SLC35B2: variants seen among roughly 807,000 people sequenced by gnomAD.
SLC35B2 encodes solute carrier family 35 member B2.
SLC35B2 carries 19 observed loss-of-function variants against 37.9 expected under a neutral mutation model. The ratio of observed to expected loss-of-function variants is 0.50; its 90% CI spans 0.35 to 0.74. The LOEUF (loss-of-function observed/expected upper bound fraction) is 0.74, where lower values mean the gene tolerates loss of function less well. Ranked by LOEUF, SLC35B2 falls within the 30% of genes least tolerant of loss-of-function variation. The probability of loss-of-function intolerance (pLI) is 0.01; values close to 1 mark genes in which losing one functional copy is unlikely to be tolerated. For missense variants in SLC35B2, 633 were observed against 547.6 expected, an observed-to-expected ratio of 1.16 and a Z score of -1.56; for synonymous variants, 277 against 225.2, an observed-to-expected ratio of 1.23 and a Z score of -2.06.
Position 44,255,351 on chromosome 6 carries a change from AG to A in SLC35B2, c.653del (p.Ser218LeufsTer3). The part of the protein sequence containing the change: ...SFPTQVLAKA[S>X]KVIPVMLMGK... ...CCATCAGCATGACAGGGATCACCTT[AG>A]AGGCCTTGGCCAGCACCTGGGTGGG... On this transcript the variant is annotated frameshift_variant, in exon 4 of 4. Transcript: ENST00000393812. LOFTEE classifies it high-confidence loss of function. 1 of 1,614,264 alleles carries A rather than the reference AG, an allele frequency of 6.2e-7. No homozygotes were observed. Among genetic ancestry groups the A allele is most frequent in the Non-Finnish European group, 8.5e-7 (1 of 1,180,038 alleles).
In SLC35B2 at chr6:44,256,358, C is replaced by G; in HGVS notation, c.344G>C (p.Cys115Ser). 1 of 1,613,210 alleles carries G rather than the reference C, an allele frequency of 6.2e-7. No individual in the cohort carries two copies. The highest frequency in any genetic ancestry group is 8.5e-7 in the Non-Finnish European group (1 of 1,179,634). The change falls in exon 3 of 4, where the codon TGT becomes TCT. Residue 115 changes from cysteine to serine, a missense_variant. By Grantham distance (112) the Cys-to-Ser change is moderately radical. Transcript: ENST00000393812. ...CCTACCCACCTGGAGCCCTGTGGCA[C>G]AGAAGAGCAGCTTCAGGGCCTGCCA... The part of the protein sequence containing the change: ...PMWQALKLLF[C>S]ATGLQVSYLT...
upstream of SLC35B2, chr6:44,257,593 C>A: frequency 2.6e-6 from 1 of 387,474 alleles, no homozygotes; most frequent in Non-Finnish European, 3.8e-6. Context: ...CGCAGCGCCC[C>A]GGGCCGCCGC....
Position 44,254,529 on chromosome 6 carries a change from CTT to C in SLC35B2, c.*175_*176del. The C allele has an allele frequency of 1.4e-6, 1 of 698,254 alleles. No homozygotes were observed. Among genetic ancestry groups the C allele is most frequent in the African/African-American group, 1.8e-5 (1 of 55,886 alleles). 43.3% of individuals were successfully genotyped at this position (698,254 alleles called of 1,614,324 possible). A position where few individuals can be genotyped will look rare whatever the true frequency, so the allele number is the denominator to read the frequency against. ...AAACTGCTTACTGGAAGATGGGTGACTTAAGGCAAAAGGGAAGGCTGCCTCCT... is the reference window on the plus strand; with the variant it reads ...AAACTGCTTACTGGAAGATGGGTGACAAGGCAAAAGGGAAGGCTGCCTCCT... On this transcript the variant is annotated 3_prime_UTR_variant, in exon 4 of 4. Coordinates refer to ENST00000393812, the MANE Select transcript of SLC35B2 (RefSeq NM_178148.4).
rs140970584 is a variant in SLC35B2 at position 44,254,888 on chromosome 6, G to A, written c.1117C>T (p.Leu373Phe). The A allele has an allele frequency of 3.4e-5, 55 of 1,614,202 alleles. No homozygotes were observed. The highest frequency in any genetic ancestry group is 1.8e-4 in the Admixed American group (11 of 60,032). The change falls in exon 4 of 4, where the codon CTC becomes TTC. Residue 373 changes from leucine (L) to phenylalanine (F), a missense_variant. By Grantham distance (22) the Leu-to-Phe change is conservative. Transcript: ENST00000393812. ...GAAVFTIIMT[L>F]RQAFAILLSC... ...AGAAGGATGGCAAAGGCCTGGCGGA[G>A]GGTCATGATGATGGTGAAGACGGCA...
Position 44,256,506 on chromosome 6 carries a change from G to A in SLC35B2, c.206-10C>T. The A allele has an allele frequency of 6.2e-7, 1 of 1,614,110 alleles. No individual in the cohort carries two copies. The highest frequency in any genetic ancestry group is 8.5e-7 in the Non-Finnish European group (1 of 1,180,018). ...AAGCAGAGGCCCCTACCTGAAGAAA[G>A]CACACAAAGTCAAGCCCCAAATCTT... On this transcript the variant is annotated splice_polypyrimidine_tract_variant and intron_variant, in intron 2 of 3. Coordinates refer to ENST00000393812, the MANE Select transcript of SLC35B2 (RefSeq NM_178148.4).
In SLC35B2 at chr6:44,257,422, C is replaced by T. The variant is rs1781688372; in HGVS notation, c.-12G>A. 1 of 1,262,420 alleles carries T rather than the reference C, an allele frequency of 7.9e-7. No individual in the cohort carries two copies. The highest frequency in any genetic ancestry group is 1.0e-6 in the Non-Finnish European group (1 of 996,488). 78.2% of individuals were successfully genotyped at this position (1,262,420 alleles called of 1,614,324 possible). A position where few individuals can be genotyped will look rare whatever the true frequency, so the allele number is the denominator to read the frequency against. Reference sequence around the variant, plus strand: ...CACCTGGCGTCCATGGTCCAGGCCGCGTGGGGTGGAGGGGGAACCGGGGAA... The same window carrying T: ...CACCTGGCGTCCATGGTCCAGGCCGTGTGGGGTGGAGGGGGAACCGGGGAA... On this transcript the variant is annotated 5_prime_UTR_variant, in exon 1 of 4. Coordinates refer to ENST00000393812, the MANE Select transcript of SLC35B2 (RefSeq NM_178148.4).
intron 1 of SLC35B2, 99 bp from the exon 2 acceptor site, chr6:44,256,977 G>C (rs965394495): frequency 8.0e-7 from 1 of 1,249,910 alleles, no homozygotes. Context: ...TCTCCTCCCC[G>C]CCCCCTCCGC....
At chr6:44,257,316 C>G (rs1299021431) in intron 1 of SLC35B2, 84 bp downstream of exon 1, 4 of 1,295,508 alleles carry the variant, frequency 3.1e-6, no homozygotes, top group South Asian at 2.2e-5. Context: ...CAGCCGGGAC[C>G]CCACCCGGCC....
In SLC35B2 at chr6:44,256,706, G is replaced by T. The variant is rs369562637; in HGVS notation, c.184C>A (p.Arg62=). Residue 62 remains arginine, a synonymous_variant, in exon 2 of 4, where the codon CGG becomes AGG. Coordinates refer to ENST00000393812, the MANE Select transcript of SLC35B2 (RefSeq NM_178148.4). ...ACACCGGTCTCCAGGTAGTTCTTCCGCCTGAAGTACTGCACCAGGAGGTAG... is the reference window on the plus strand; with the variant it reads ...ACACCGGTCTCCAGGTAGTTCTTCCTCCTGAAGTACTGCACCAGGAGGTAG... ...PGYLLVQYFR[R]KNYLETGRGL... The T allele has an allele frequency of 1.9e-6, 3 of 1,613,960 alleles. No individual in the cohort carries two copies. The highest frequency in any genetic ancestry group is 3.3e-5 in the Admixed American group (2 of 59,984).
At position 44,254,482 on chromosome 6, in the gene SLC35B2, GTC is replaced by G; in HGVS notation, c.*222_*223del. ...TCCCCAAAACCCCTCACTGAGGACT[GTC>G]TACCCCCGGGGCTCAGAATAAACTG... On this transcript the variant is annotated 3_prime_UTR_variant, in exon 4 of 4. Transcript: ENST00000393812. The G allele has an allele frequency of 1.8e-6, 1 of 561,846 alleles. No individual in the cohort carries two copies. The highest frequency in any genetic ancestry group is 3.1e-6 in the Non-Finnish European group (1 of 319,254). 34.8% of individuals were successfully genotyped at this position (561,846 alleles called of 1,614,324 possible).
At position 44,254,235 on chromosome 6, in the gene SLC35B2, C is replaced by T; in HGVS notation, c.*471G>A. On this transcript the variant is annotated 3_prime_UTR_variant, in exon 4 of 4. Transcript: ENST00000393812. ...GAGCATAGGAGGTGGTGGTGCTGGG[C>T]AGGGCTCTGCATCCCCTTTCCTCAG... 1 of 202,424 alleles carries T rather than the reference C, an allele frequency of 4.9e-6. No individual in the cohort carries two copies. Among genetic ancestry groups the T allele is most frequent in the Non-Finnish European group, 1.0e-5 (1 of 97,398 alleles). 12.5% of individuals were successfully genotyped at this position (202,424 alleles called of 1,614,324 possible).
chr6:44,257,240 AC>A (rs1240805803), intron 1 of SLC35B2, 159 bp downstream of exon 1: 4 of 830,382 alleles, frequency 4.8e-6, no homozygotes, highest in African/African-American at 1.8e-5. Context: ...CCCAAGGAGC[AC>A]AAAACCAAGC....
In SLC35B2 at chr6:44,257,476, C is replaced by A. The variant is rs1260884347; in HGVS notation, c.-66G>T. ...GAGTCCCCGGGCCGCGCGCCCCCTG[C>A]GCTCCCGCCGCCGCCTCCAGGAGCG... On this transcript the variant is annotated 5_prime_UTR_variant, in exon 1 of 4. Coordinates refer to ENST00000393812, the MANE Select transcript of SLC35B2 (RefSeq NM_178148.4). 4.1e-6 allele frequency: 5 copies of A among 1,233,060 alleles called. No individual in the cohort carries two copies. The highest frequency in any genetic ancestry group is 5.1e-6 in the Non-Finnish European group (5 of 980,146). The allele number at this position is 1,233,060 out of a possible 1,614,324, so 76.4% of individuals were successfully genotyped here. A position where few individuals can be genotyped will look rare whatever the true frequency, so the allele number is the denominator to read the frequency against.
At position 44,255,003 on chromosome 6, in the gene SLC35B2, G is replaced by GT. The variant is rs745619435; in HGVS notation, c.1001dup (p.His334GlnfsTer3). 6.2e-7 allele frequency: 1 copy of GT among 1,614,202 alleles called. No individual in the cohort carries two copies. Reference sequence around the variant, plus strand: ...GCAGGGCATGGGCAGCAAACTCACTGTGTCGCCCCATGAAGCGGGTTCCCT... The same window carrying GT: ...GCAGGGCATGGGCAGCAAACTCACTGTTGTCGCCCCATGAAGCGGGTTCCCT... On this transcript the variant is annotated frameshift_variant, in exon 4 of 4. Transcript: ENST00000393812. LOFTEE classifies it high-confidence loss of function.
chr6:44,255,989 C>T (rs764037293), intron 3 of SLC35B2, among the ~76,000 whole-genome samples: 6 of 116,484 alleles, frequency 5.2e-5, no homozygotes, highest in Non-Finnish European at 5.8e-5. Context: ...GAATGGCTCC[C>T]CCACAATTTT....
rs1042314286 is a variant in SLC35B2 at position 44,256,820 on chromosome 6, G to A, written c.70C>T (p.Pro24Ser). 3.7e-6 allele frequency: 6 copies of A among 1,613,970 alleles called. No homozygotes were observed. The highest frequency in any genetic ancestry group is 2.2e-5 in the East Asian group (1 of 44,870). ...GTCCATGACTCCGGAGGGGCTTCGG[G>A]AGTCTCCCCACCTGCCCCTAGGGAG... ...FPSLGAGGET[P>S]EAPPESWTQL... The change falls in exon 2 of 4, where the codon CCC (proline) becomes TCC (serine). Residue 24 changes from proline to serine, a missense_variant. By Grantham distance (74) the Pro-to-Ser change is moderately conservative. Coordinates refer to ENST00000393812, the MANE Select transcript of SLC35B2 (RefSeq NM_178148.4).
In SLC35B2 at chr6:44,254,661, G is replaced by A. The variant is rs1781171420; in HGVS notation, c.*45C>T. 6.4e-7 allele frequency: 1 copy of A among 1,554,182 alleles called. No individual in the cohort carries two copies. Among genetic ancestry groups the A allele is most frequent in the African/African-American group, 1.4e-5 (1 of 73,368 alleles). ...TCAGAGGTTACAGCAGAAGGGGATGGTGGGAGGGTCCTATTTCACTTCACC... is the reference window on the plus strand; with the variant it reads ...TCAGAGGTTACAGCAGAAGGGGATGATGGGAGGGTCCTATTTCACTTCACC... On this transcript the variant is annotated 3_prime_UTR_variant, in exon 4 of 4. Coordinates refer to ENST00000393812, the MANE Select transcript of SLC35B2 (RefSeq NM_178148.4).
In SLC35B2 at chr6:44,256,414, G is replaced by A. The variant is rs1781508693; in HGVS notation, c.288C>T (p.Pro96=). The change falls in exon 3 of 4, where the codon CCC becomes CCT. Residue 96 remains proline (P), a synonymous_variant. Transcript: ENST00000393812. ...GGGTGGTCTCTGCCGCCTCTGTTCG[G>A]GGCGCCAGGGGAACCTCATCAGAGG... is the stretch of plus-strand genomic sequence containing the variant. ...PKASDEVPLA[P]RTEAAETTPM... is the part of the protein sequence containing the mutation. 10 of 1,614,132 alleles carry A rather than the reference G, an allele frequency of 6.2e-6. No homozygotes were observed. The highest frequency in any genetic ancestry group is 8.5e-6 in the Non-Finnish European group (10 of 1,180,008).
chr6:44,257,355 C>T, intron 1 of SLC35B2, 45 bp downstream of exon 1: 2 of 1,325,014 alleles, frequency 1.5e-6, no homozygotes, highest in Non-Finnish European at 1.9e-6. Context: ...AGTCACGTGG[C>T]CCGGGGGCTC....
Sources: gnomAD v4.1 joint callset for allele counts (sites outside exome capture counted in the v4.1 genomes callset) on GRCh38, gnomAD v4.1.1 for gene constraint, MANE v1.5 for transcripts, NCBI Gene and HGNC (gene_info 2026-07-23, HGNC 2026-07-21) for gene names.